The following SOX5 variants were observed in gnomAD, a reference collection of about 807,000 sequenced individuals.
SOX5 encodes the protein SRY-box transcription factor 5.
In SOX5, 9 loss-of-function variants were observed where a neutral mutation model predicts 92.0. That is an observed-to-expected ratio of 0.10 (90% CI 0.06 to 0.17). The LOEUF (loss-of-function observed/expected upper bound fraction) is 0.17, where lower values mean the gene tolerates loss of function less well. Ranked by LOEUF, SOX5 falls within the 10% of genes least tolerant of loss-of-function variation. The pLI, the probability that SOX5 is intolerant of heterozygous loss-of-function variation, is 1.00. For missense variants in SOX5, 642 were observed against 944.5 expected, an observed-to-expected ratio of 0.68 and a Z score of 4.20; for synonymous variants, 344 against 336.3, an observed-to-expected ratio of 1.02 and a Z score of -0.25.
intron 3 of SOX5, among the ~76,000 whole-genome samples, chr12:23,768,486 T>C (rs1181212898): frequency 2.0e-5 from 3 of 152,154 alleles, no homozygotes; most frequent in African/African-American, 7.2e-5. Context: ...TCAAAAAAAC[T>C]TCACTGGCCT....
intron 3 of SOX5, among the ~76,000 whole-genome samples, chr12:23,813,092 C>A (rs750983281): frequency 2.0e-5 from 3 of 151,828 alleles, no homozygotes; most frequent in Non-Finnish European, 2.9e-5. Context: ...GCTTTTTTGC[C>A]TTATGGTTAT....
intron 8 of SOX5, chr12:23,632,035 CT>C (rs1363459838): frequency 6.6e-6 from 1 of 152,092 alleles, no homozygotes; most frequent in Non-Finnish European, 1.5e-5. Flanking sequence ...GTTGGCTGCA[CT>C]TTTTCAGGCC....
chr12:23,974,668 G>A (rs1272862108), intron 4 of SOX5, among the ~76,000 whole-genome samples: 1 of 152,154 alleles, frequency 6.6e-6, no homozygotes, highest in Non-Finnish European at 1.5e-5. Context: ...GTGGTAATAA[G>A]AGAGTGAATC....
chr12:24,018,537 T>C (rs1334735338), intron 4 of SOX5, among the ~76,000 whole-genome samples: 1 of 152,184 alleles, frequency 6.6e-6, no homozygotes, highest in Non-Finnish European at 1.5e-5. Flanking sequence ...GGCTCATACC[T>C]GTAATCCCAG....
At chr12:23,788,781 TAATC>T (rs1442178704) in intron 3 of SOX5, among the ~76,000 whole-genome samples, 2 of 151,984 alleles carry the variant, frequency 1.3e-5, no homozygotes, top group Non-Finnish European at 2.9e-5. Context: ...AATTTCATAT[TAATC>T]AATATTTTAA....
chr12:23,571,890 T>C (rs918708393), intron 10 of SOX5, among the ~76,000 whole-genome samples: 1 of 152,024 alleles, frequency 6.6e-6, no homozygotes, highest in Admixed American at 6.5e-5. Context: ...TCTATAATTG[T>C]AGAACAGCTG....
intron 10 of SOX5, among the ~76,000 whole-genome samples, chr12:23,572,428 G>A (rs1369395251): frequency 6.7e-6 from 1 of 148,218 alleles, no homozygotes; most frequent in Admixed American, 7.0e-5. Flanking sequence ...AATTATGAGG[G>A]ATGTGTATGT....
chr12:24,270,147 C>T (rs1291629210), intron 3 of SOX5, among the ~76,000 whole-genome samples: 1 of 152,070 alleles, frequency 6.6e-6, no homozygotes, highest in East Asian at 1.9e-4. Context: ...CTGCAACCTC[C>T]ACCTCCCGGG....
At chr12:24,518,206 T>C (rs1949967962) in intron 1 of SOX5, among the ~76,000 whole-genome samples, 1 of 151,868 alleles carries the variant, frequency 6.6e-6, no homozygotes, top group East Asian at 1.9e-4. Context: ...GTAGCTGGGG[T>C]TACAGGCATG....
At chr12:23,809,453 C>A (rs1285091007) in intron 3 of SOX5, among the ~76,000 whole-genome samples, 1 of 151,764 alleles carries the variant, frequency 6.6e-6, no homozygotes, top group Non-Finnish European at 1.5e-5. Context: ...TTATTCAACA[C>A]CAGTATTACA....
At chr12:23,970,840 AAT>A (rs1491294604) in intron 4 of SOX5, among the ~76,000 whole-genome samples, 2 of 33,480 alleles carry the variant, frequency 6.0e-5, no homozygotes, top group African/African-American at 2.0e-4. Context: ...ATATATATAT[AAT>A]TTTTTTTTTT....
At chr12:23,789,602 G>A (rs1434704724) in intron 3 of SOX5, among the ~76,000 whole-genome samples, 5 of 152,032 alleles carry the variant, frequency 3.3e-5, no homozygotes, top group Admixed American at 6.6e-5. Context: ...TATTAATATA[G>A]CCAATGCTAC....
chr12:24,492,325 G>A (rs1947176633), intron 1 of SOX5, among the ~76,000 whole-genome samples: 1 of 152,072 alleles, frequency 6.6e-6, no homozygotes, highest in Non-Finnish European at 1.5e-5. Flanking sequence ...CAATTTAAAG[G>A]TCCCTGAAAA....
chr12:24,055,486 T>C (rs888808686), intron 4 of SOX5, among the ~76,000 whole-genome samples: 8 of 152,338 alleles, frequency 5.3e-5, no homozygotes, highest in African/African-American at 1.7e-4. Context: ...GTTTCAAACA[T>C]CAATCTCTGC....
intron 1 of SOX5, among the ~76,000 whole-genome samples, chr12:24,426,869 T>C (rs1024269027): frequency 6.6e-6 from 1 of 152,158 alleles, no homozygotes. Flanking sequence ...TTACCCCTCA[T>C]TATTTATCTA....
rs11408941 is a variant in SOX5, at chr12:24,511,957, C to CAAA, written c.-251+50369_-251+50371dup. 5.7e-3 allele frequency among the ~76,000 whole-genome samples: 751 copies of CAAA among 131,198 alleles called. 19 individuals carry two copies. Among genetic ancestry groups the CAAA allele is most frequent in the African/African-American group, 0.016 (581 of 35,610 alleles). 86.1% of individuals were successfully genotyped at this position (131,198 alleles called of 152,430 possible). ...TGGGCAACAGAGTGAGACTCCATCT[C>CAAA]AAAAAAAAAAAAAAAGTTTTTGCAA... is the stretch of plus-strand genomic sequence containing the variant. On this transcript the variant is annotated intron_variant, in intron 1 of 4. Coordinates refer to the SOX5 transcript ENST00000446891.
Position 24,302,039 on chromosome 12 carries a change from A to G in SOX5, c.-173-24727T>C, listed in dbSNP as rs571197469. On this transcript the variant is annotated intron_variant, in intron 2 of 4. Transcript: ENST00000446891. Reference sequence around the variant, plus strand: ...AATCTCAATATCTTTAGTGTAATAGACATGTTTCTCTAAGTTTCTCTTGGT... The same window carrying G: ...AATCTCAATATCTTTAGTGTAATAGGCATGTTTCTCTAAGTTTCTCTTGGT... 2.0e-5 allele frequency among the ~76,000 whole-genome samples: 3 copies of G among 152,244 alleles called. No individual in the cohort carries two copies. In the South Asian group the frequency reaches 6.2e-4, roughly 32 times the overall value.
chr12:23,609,014 A>G (rs919812534), intron 8 of SOX5, among the ~76,000 whole-genome samples: 38 of 152,184 alleles, frequency 2.5e-4, no homozygotes, highest in African/African-American at 9.2e-4. Flanking sequence ...TTAAGAGAGA[A>G]GAAATGCATC....
intron 3 of SOX5, among the ~76,000 whole-genome samples, chr12:23,834,066 T>C (rs911819689): frequency 6.6e-5 from 10 of 151,958 alleles, no homozygotes; most frequent in African/African-American, 1.2e-4. Flanking sequence ...GTAAGAACTA[T>C]AGAGATGAGT....
Sources: allele counts gnomAD v4.1 joint callset (sites outside exome capture counted in the v4.1 genomes callset), GRCh38; gene constraint gnomAD v4.1.1; transcripts MANE v1.5; gene names NCBI Gene and HGNC (gene_info 2026-07-23, HGNC 2026-07-21).